WDR86: variants seen among roughly 807,000 people sequenced by gnomAD.
The protein encoded by WDR86 is WD repeat-containing protein 86.
A neutral mutation model predicts 36.5 loss-of-function variants in WDR86; 30 were observed. That is an observed-to-expected ratio of 0.82 (90% CI 0.61 to 1.11). The LOEUF is 1.11. Among genes scored for constraint, WDR86 ranks in the 50% most tolerant of loss-of-function variants. The probability of loss-of-function intolerance (pLI) is 0.00; values close to 1 mark genes in which losing one functional copy is unlikely to be tolerated. For synonymous variants in WDR86, 255 were observed against 252.9 expected, an observed-to-expected ratio of 1.01 and a Z score of -0.08; for missense variants, 545 against 561.2, an observed-to-expected ratio of 0.97 and a Z score of 0.29.
intron 4 of WDR86, among the ~76,000 whole-genome samples, chr7:151,382,784 C>T (rs1798694928): frequency 2.0e-5 from 3 of 152,240 alleles, no homozygotes; most frequent in South Asian, 4.1e-4. Flanking sequence ...TCCCAGGAAA[C>T]GCTCACAGGG....
chr7:151,381,071 C>G, downstream of WDR86: 1 of 1,089,220 alleles, frequency 9.2e-7, no homozygotes, highest in Non-Finnish European at 1.1e-6. This position sits in a 1 kb window ranked among gnomAD's most constrained non-coding sequence, Gnocchi z 4.8. Flanking sequence ...ATCCCAAGCT[C>G]CAAAAAGAAG....
In WDR86 at chr7:151,409,969, G is replaced by A; in HGVS notation, c.-380C>T. On this transcript the variant is annotated 5_prime_UTR_variant, in exon 1 of 6. Transcript: ENST00000334493. This position sits in a 1 kb window ranked among gnomAD's most constrained non-coding sequence, Gnocchi z 5.2. ...CGCCTCCTCTCGCGCCCACGGGGCTGGGGCGGGGAGAGGAACACGGGAAGC... is the reference window on the plus strand; with the variant it reads ...CGCCTCCTCTCGCGCCCACGGGGCTAGGGCGGGGAGAGGAACACGGGAAGC... 1 of 1,017,070 alleles carries A rather than the reference G, an allele frequency of 9.8e-7. No homozygotes were observed. Among genetic ancestry groups the A allele is most frequent in the Non-Finnish European group, 1.2e-6 (1 of 851,502 alleles). The allele number at this position is 1,017,070 out of a possible 1,614,324, so 63.0% of individuals were successfully genotyped here.
At chr7:151,385,428 G>A (rs1798903316) in intron 3 of WDR86, 1 of 869,366 alleles carries the variant, frequency 1.2e-6, no homozygotes, top group Non-Finnish European at 1.7e-6. Flanking sequence ...GGGGCAGCCA[G>A]TGCTCCAACA....
At chr7:151,386,237 C>T (rs546302044) in intron 3 of WDR86, among the ~76,000 whole-genome samples, 14 of 152,304 alleles carry the variant, frequency 9.2e-5, no homozygotes, top group South Asian at 2.1e-4. Flanking sequence ...CTCACGACCA[C>T]GCTCTGGGCC....
intron 1 of WDR86, among the ~76,000 whole-genome samples, chr7:151,404,238 A>C (rs1800548401): frequency 6.6e-6 from 1 of 151,650 alleles, no homozygotes; most frequent in Non-Finnish European, 1.5e-5. Flanking sequence ...TAAAAAAAAA[A>C]CTCCATTTCT....
At chr7:151,378,626 C>T (rs1049997362), downstream of WDR86, among the ~76,000 whole-genome samples, 11 of 152,260 alleles carry the variant, frequency 7.2e-5, no homozygotes, top group Middle Eastern at 3.4e-3. Flanking sequence ...AGATGCCGCA[C>T]GCCAAGCGGG....
chr7:151,402,070 A>ATATATAT (rs1554425363), intron 1 of WDR86, among the ~76,000 whole-genome samples: 1 of 50,536 alleles, frequency 2.0e-5, no homozygotes, highest in East Asian at 4.9e-4. Flanking sequence ...AAAAAAAAAA[A>ATATATAT]ATATATATAT....
intron 2 of WDR86, among the ~76,000 whole-genome samples, chr7:151,397,380 G>C (rs185408172): frequency 6.6e-6 from 1 of 152,176 alleles, no homozygotes; most frequent in South Asian, 2.1e-4. Context: ...TTTCCAACTG[G>C]CTTCTTCCCT....
At position 151,409,888 on chromosome 7, in the gene WDR86, T is replaced by C. The variant is rs1241827819; in HGVS notation, c.-299A>G. 4.4e-6 allele frequency: 5 copies of C among 1,147,246 alleles called. No individual in the cohort carries two copies. The Admixed American group carries it at 2.4e-4, about 55-fold the overall frequency. The allele number at this position is 1,147,246 out of a possible 1,614,324, so 71.1% of individuals were successfully genotyped here. A position where few individuals can be genotyped will look rare whatever the true frequency, so the allele number is the denominator to read the frequency against. On this transcript the variant is annotated 5_prime_UTR_variant, in exon 1 of 6. Coordinates refer to ENST00000334493, the MANE Select transcript of WDR86 (RefSeq NM_198285.3). This position sits in a 1 kb window ranked among gnomAD's most constrained non-coding sequence, Gnocchi z 5.2. ...CCCCTTCCCAGCACCGCTCGGAGGA[T>C]CCACACCCCACCGGGCGAACAAGGC...
In WDR86 at chr7:151,409,846, G is replaced by A; in HGVS notation, c.-257C>T. 3 of 1,225,208 alleles carry A rather than the reference G, an allele frequency of 2.4e-6. No homozygotes were observed. The highest frequency in any genetic ancestry group is 2.0e-6 in the Non-Finnish European group (2 of 984,374). The allele number at this position is 1,225,208 out of a possible 1,614,324, so 75.9% of individuals were successfully genotyped here. Reference sequence around the variant, plus strand: ...CTCCGCCCTGGGTAGAGTCCTGGGCGCGCGGGCAGAGAGAACCCCCTTCCC... The same window carrying A: ...CTCCGCCCTGGGTAGAGTCCTGGGCACGCGGGCAGAGAGAACCCCCTTCCC... On this transcript the variant is annotated 5_prime_UTR_variant, in exon 1 of 6. Coordinates refer to ENST00000334493, the MANE Select transcript of WDR86 (RefSeq NM_198285.3). The surrounding 1 kb of genome is among the most constrained non-coding windows in gnomAD (Gnocchi z 5.2).
intron 3 of WDR86, among the ~76,000 whole-genome samples, chr7:151,392,221 C>T (rs1311189605): frequency 6.6e-6 from 1 of 152,132 alleles, no homozygotes; most frequent in Non-Finnish European, 1.5e-5. Flanking sequence ...CTCCCCTGCG[C>T]CCAGGCCTGG....
chr7:151,392,783 CTTCT>C (rs1385364607), intron 3 of WDR86, among the ~76,000 whole-genome samples: 1 of 152,210 alleles, frequency 6.6e-6, no homozygotes, highest in East Asian at 1.9e-4. Flanking sequence ...TCTTGCCTTC[CTTCT>C]GTCTTTACGA....
At chr7:151,403,241 C>T (rs528568302) in intron 1 of WDR86, among the ~76,000 whole-genome samples, 26 of 152,068 alleles carry the variant, frequency 1.7e-4, no homozygotes, top group African/African-American at 6.0e-4. Context: ...AGGTGCAGAA[C>T]GTGTTGGGCA....
intron 3 of WDR86, among the ~76,000 whole-genome samples, chr7:151,389,317 G>A (rs1475786443): frequency 4.6e-5 from 7 of 151,986 alleles, no homozygotes; most frequent in Non-Finnish European, 8.8e-5. Context: ...GAAACTGCAC[G>A]GTCTCCTCTT....
At chr7:151,402,070 A>AAAAAGATATATATAT in intron 1 of WDR86, among the ~76,000 whole-genome samples, 1 of 50,558 alleles carries the variant, frequency 2.0e-5, no homozygotes, top group Non-Finnish European at 3.3e-5. Flanking sequence ...AAAAAAAAAA[A>AAAAAGATATATATAT]ATATATATAT....
At chr7:151,394,424 C>G (rs900502148) in intron 3 of WDR86, among the ~76,000 whole-genome samples, 2 of 152,346 alleles carry the variant, frequency 1.3e-5, no homozygotes, top group African/African-American at 4.8e-5. Context: ...GACTCCAGCC[C>G]CGTCACCCGG....
Position 151,395,946 on chromosome 7 carries a change from G to A in WDR86, c.556C>T (p.His186Tyr). Residue 186 changes from histidine (H) to tyrosine (Y), a missense_variant, in exon 3 of 6, where the codon CAC becomes TAC. Physicochemically the swap from His to Tyr is moderately conservative, Grantham distance 83 (BLOSUM62 2). Coordinates refer to ENST00000334493, the MANE Select transcript of WDR86 (RefSeq NM_198285.3). ...KVWQVASGCC[H>Y]QTLRGHTGAV... ...CCCGTGTGGCCCCGCAGCGTCTGGT[G>A]GCAGCAGCCGCTGGCCACCTGCCAC... 6.3e-7 allele frequency: 1 copy of A among 1,588,880 alleles called. No individual in the cohort carries two copies. The highest frequency in any genetic ancestry group is 1.1e-5 in the South Asian group (1 of 88,480).
rs770785482 is a variant in WDR86, at chr7:151,409,072, T to G, written c.163+355A>C. The G allele has an allele frequency of 1.8e-6, 1 of 541,132 alleles. No individual in the cohort carries two copies. The highest frequency in any genetic ancestry group is 1.5e-5 in the South Asian group (1 of 65,234). The allele number at this position is 541,132 out of a possible 1,614,324, so 33.5% of individuals were successfully genotyped here. The stretch of plus-strand genomic sequence containing the variant: ...AAGGCACCTAGAGACAAGGGAAGGT[T>G]TGCTTAGAAGGAGTATAGGTGCAAC... On this transcript the variant is annotated intron_variant, in intron 1 of 5. Coordinates refer to ENST00000334493, the MANE Select transcript of WDR86 (RefSeq NM_198285.3). This position sits in a 1 kb window ranked among gnomAD's most constrained non-coding sequence, Gnocchi z 5.2.
rs1246673789 is a variant in WDR86 at position 151,401,977 on chromosome 7, G to A, written c.164-1736C>T. Among the ~76,000 whole-genome samples the A allele has an allele frequency of 1.4e-5, 2 of 145,928 alleles. No homozygotes were observed. The highest frequency in any genetic ancestry group is 5.1e-5 in the African/African-American group (2 of 39,030). On this transcript the variant is annotated intron_variant, in intron 1 of 5. Coordinates refer to ENST00000334493, the MANE Select transcript of WDR86 (RefSeq NM_198285.3). The surrounding 1 kb of genome is among the most constrained non-coding windows in gnomAD (Gnocchi z 4.3). Reference sequence around the variant, plus strand: ...GGCAGAGAACTGCTTGAACCCGGAAGGCGGAGGCTGCAGTGAGCTGAGGTT... The same window carrying A: ...GGCAGAGAACTGCTTGAACCCGGAAAGCGGAGGCTGCAGTGAGCTGAGGTT...
Sources: gnomAD v4.1 joint callset for allele counts (sites outside exome capture counted in the v4.1 genomes callset) on GRCh38, gnomAD v4.1.1 for gene constraint, Gnocchi (gnomAD v3.1) non-coding constraint, MANE v1.5 for transcripts, NCBI Gene and HGNC (gene_info 2026-07-23, HGNC 2026-07-21) for gene names.